Variants in GTF3C3 observed in about 807,000 individuals in gnomAD.
GTF3C3 encodes the protein general transcription factor IIIC subunit 3.
A neutral mutation model predicts 105.2 loss-of-function variants in GTF3C3; 75 were observed. The observed-to-expected ratio is 0.71, with a 90% CI of 0.59 to 0.86. GTF3C3 has a LOEUF of 0.86. GTF3C3 is among the 40% of genes least tolerant of loss of function. The probability of loss-of-function intolerance (pLI) is 0.00; values close to 1 mark genes in which losing one functional copy is unlikely to be tolerated. For synonymous variants in GTF3C3, 335 were observed against 370.4 expected, an observed-to-expected ratio of 0.90 and a Z score of 1.10; for missense variants, 856 against 1,076.5, an observed-to-expected ratio of 0.80 and a Z score of 2.87.
Position 196,764,443 on chromosome 2 carries a change from T to C in GTF3C3, c.*120A>G, listed in dbSNP as rs1465990958. On this transcript the variant is annotated 3_prime_UTR_variant, in exon 18 of 18. Transcript: ENST00000263956. The stretch of plus-strand genomic sequence containing the variant: ...TCACATATTAAAAATAAATACACTG[T>C]TTGTTAGGTAATTCTGAAATTGTCA... 2 of 884,334 alleles carry C rather than the reference T, an allele frequency of 2.3e-6. No individual in the cohort carries two copies. The highest frequency in any genetic ancestry group is 3.3e-5 in the African/African-American group (2 of 60,078). 54.8% of individuals were successfully genotyped at this position (884,334 alleles called of 1,614,324 possible).
At chr2:196,788,458 A>G (rs1576032718) in intron 6 of GTF3C3, among the ~76,000 whole-genome samples, 1 of 152,282 alleles carries the variant, frequency 6.6e-6, no homozygotes, top group Non-Finnish European at 1.5e-5. Context: ...TATATACCAC[A>G]GTCAATAATG....
At position 196,769,568 on chromosome 2, in the gene GTF3C3, T is replaced by C. The variant is rs1425492531; in HGVS notation, c.2385+347A>G. Among the ~76,000 whole-genome samples the C allele has an allele frequency of 1.3e-5, 2 of 152,176 alleles. 1 individual carries two copies. Among genetic ancestry groups the C allele is most frequent in the Non-Finnish European group, 2.9e-5 (2 of 68,030 alleles). Reference sequence around the variant, plus strand: ...AAACAGGCACAATCATATTATTGTATAATTTTTTTTTTCAACTACTTTAAG... The same window carrying C: ...AAACAGGCACAATCATATTATTGTACAATTTTTTTTTTCAACTACTTTAAG... On this transcript the variant is annotated intron_variant, in intron 16 of 17. Transcript: ENST00000263956.
intron 8 of GTF3C3, among the ~76,000 whole-genome samples, chr2:196,784,414 T>G (rs1328481982): frequency 6.6e-6 from 1 of 152,172 alleles, no homozygotes; most frequent in African/African-American, 2.4e-5. Flanking sequence ...GATCACTAAT[T>G]ATATATTTGA....
chr2:196,784,645 C>T (rs920292839), intron 8 of GTF3C3: 2 of 179,992 alleles, frequency 1.1e-5, no homozygotes, highest in Non-Finnish European at 2.1e-5. Context: ...AATGGACATA[C>T]AGGGACTCAA....
chr2:196,793,706 T>C (rs1699592615), intron 2 of GTF3C3, among the ~76,000 whole-genome samples: 1 of 152,180 alleles, frequency 6.6e-6, no homozygotes, highest in South Asian at 2.1e-4. Flanking sequence ...ATATATACAC[T>C]TAGAATGCCT....
In GTF3C3 at chr2:196,790,074, T is replaced by C. The variant is rs1699520890; in HGVS notation, c.536-4A>G. On this transcript the variant is annotated splice_polypyrimidine_tract_variant and splice_region_variant and intron_variant, in intron 4 of 17. Transcript: ENST00000263956. ...AATGGCTCATAAGCCAGAGGAGCTA[T>C]AACAAATTAAAAAAATAAATTCCAT... 3.2e-6 allele frequency: 5 copies of C among 1,578,362 alleles called. 1 individual carries two copies. The African/African-American group carries it at 6.8e-5, about 22-fold the overall frequency.
chr2:196,776,770 T>C lies in GTF3C3; in HGVS notation c.1391-141A>G, dbSNP rs902763356. 4 of 616,214 alleles carry C rather than the reference T, an allele frequency of 6.5e-6. No homozygotes were observed. The highest frequency in any genetic ancestry group is 5.6e-5 in the African/African-American group (3 of 54,022). 38.2% of individuals were successfully genotyped at this position (616,214 alleles called of 1,614,324 possible). A position where few individuals can be genotyped will look rare whatever the true frequency, so the allele number is the denominator to read the frequency against. ...ATGCGTATTTCTAGTACTTTAAAAC[T>C]ATCCCTAATCTCTATTAATCAATCG... On this transcript the variant is annotated intron_variant, in intron 10 of 17. Coordinates refer to ENST00000263956, the MANE Select transcript of GTF3C3 (RefSeq NM_012086.5). This position sits in a 1 kb window ranked among gnomAD's most constrained non-coding sequence, Gnocchi z 4.5.
At chr2:196,773,947 G>A (rs560427087) in intron 13 of GTF3C3, among the ~76,000 whole-genome samples, 8 of 152,326 alleles carry the variant, frequency 5.3e-5, no homozygotes, top group African/African-American at 1.4e-4. Context: ...AGCAGGCCAC[G>A]GGCTGGTACC....
At position 196,784,866 on chromosome 2, in the gene GTF3C3, C is replaced by T; in HGVS notation, c.1105G>A (p.Glu369Lys). The T allele has an allele frequency of 6.2e-7, 1 of 1,611,410 alleles. No individual in the cohort carries two copies. The highest frequency in any genetic ancestry group is 1.1e-5 in the South Asian group (1 of 90,802). Residue 369 changes from glutamate to lysine, a missense_variant, in exon 8 of 18, where the codon GAG becomes AAG. By Grantham distance (56) the Glu-to-Lys change is moderately conservative. Coordinates refer to ENST00000263956, the MANE Select transcript of GTF3C3 (RefSeq NM_012086.5). The part of the protein sequence containing the change: ...KKTSEEGTSE[E>K]NKAPENVTCT... The stretch of plus-strand genomic sequence containing the variant: ...CAGAGGAAACTACAACCTTTATTCT[C>T]TTCTGAGGTGCCTTCTTCTGAAGTT...
intron 1 of GTF3C3, chr2:196,799,111 G>A (rs1463934036): frequency 1.2e-5 from 2 of 166,100 alleles, no homozygotes; most frequent in Non-Finnish European, 2.6e-5. Flanking sequence ...GTTCAGAAAA[G>A]GAGACATTGG....
intron 2 of GTF3C3, among the ~76,000 whole-genome samples, chr2:196,794,784 GAGTGC>G (rs1253768323): frequency 2.6e-5 from 4 of 151,718 alleles, no homozygotes; most frequent in Admixed American, 2.0e-4. Flanking sequence ...GCCCAGGCTG[GAGTGC>G]AGTGGCACGA....
Position 196,776,459 on chromosome 2 carries a change from T to C in GTF3C3, c.1561A>G (p.Thr521Ala), listed in dbSNP as rs1165954255. The change falls in exon 11 of 18, where the codon ACT (threonine) becomes GCT (alanine). Residue 521 changes from threonine (T) to alanine (A), a missense_variant. Thr to Ala is a moderately conservative substitution (Grantham distance 58, BLOSUM62 0). Transcript: ENST00000263956. This position sits in a 1 kb window ranked among gnomAD's most constrained non-coding sequence, Gnocchi z 4.5. The part of the protein sequence containing the change: ...EALEPMYDPD[T>A]LAQDANAAQQ... Reference sequence around the variant, plus strand: ...GCAGCATTTGCATCCTGTGCTAAAGTATCTGGATCATACATTGGTTCCAGA... The same window carrying C: ...GCAGCATTTGCATCCTGTGCTAAAGCATCTGGATCATACATTGGTTCCAGA... 6.2e-7 allele frequency: 1 copy of C among 1,614,110 alleles called. No homozygotes were observed. The highest frequency in any genetic ancestry group is 1.7e-5 in the Admixed American group (1 of 60,034).
chr2:196,787,861 G>A lies in GTF3C3; in HGVS notation c.893+1343C>T, dbSNP rs542994069. 5.3e-5 allele frequency among the ~76,000 whole-genome samples: 8 copies of A among 152,302 alleles called. No individual in the cohort carries two copies. The South Asian group carries it at 1.2e-3, about 24-fold the overall frequency. ...AAAGATATATTCAATAATATTTCTG[G>A]AGGGAAAGCAGGGACCAAAGGGAAA... On this transcript the variant is annotated intron_variant, in intron 6 of 17. Coordinates refer to ENST00000263956, the MANE Select transcript of GTF3C3 (RefSeq NM_012086.5).
rs759381924 is a variant in GTF3C3, at chr2:196,764,529, C to T, written c.*34G>A. 5 of 1,589,474 alleles carry T rather than the reference C, an allele frequency of 3.1e-6. 1 individual carries two copies. The South Asian group carries it at 5.8e-5, about 18-fold the overall frequency. ...ACAGAAGACACTGGTCCTCACACAG[C>T]AGCTGCCATTGCTCTGTTCTCAGTT... On this transcript the variant is annotated 3_prime_UTR_variant, in exon 18 of 18. Transcript: ENST00000263956.
chr2:196,772,754 G>A (rs1247346463), intron 14 of GTF3C3, among the ~76,000 whole-genome samples, 162 bp downstream of exon 14: 3 of 152,284 alleles, frequency 2.0e-5, no homozygotes, highest in East Asian at 1.9e-4. Context: ...AACCCAGAAA[G>A]TCTGGTCCTA....
intron 8 of GTF3C3, among the ~76,000 whole-genome samples, chr2:196,784,493 A>G (rs776357616): frequency 6.6e-6 from 1 of 152,174 alleles, no homozygotes. Context: ...CTTAAAGTCA[A>G]ATGTTTTAAG....
chr2:196,770,296 A>G (rs896244153), intron 15 of GTF3C3, among the ~76,000 whole-genome samples: 2 of 152,248 alleles, frequency 1.3e-5, no homozygotes, highest in Non-Finnish European at 2.9e-5. Context: ...AGACATTTCC[A>G]TGTAAAGTAA....
chr2:196,776,469 A>T lies in GTF3C3; in HGVS notation c.1551T>A (p.Tyr517Ter). ...CATCCTGTGCTAAAGTATCTGGATC[A>T]TACATTGGTTCCAGAGCTTCCAGAG... The part of the protein sequence containing the change: ...EKALEALEPM[Y>*]DPDTLAQDAN... Residue 517 changes from tyrosine to a stop codon, truncating the protein, a stop_gained, in exon 11 of 18, where the codon TAT becomes TAA. Transcript: ENST00000263956. LOFTEE classifies it high-confidence loss of function. This position sits in a 1 kb window ranked among gnomAD's most constrained non-coding sequence, Gnocchi z 4.5. 6.2e-7 allele frequency: 1 copy of T among 1,614,144 alleles called. No individual in the cohort carries two copies. Among genetic ancestry groups the T allele is most frequent in the Non-Finnish European group, 8.5e-7 (1 of 1,179,996 alleles).
chr2:196,764,815 A>AATT, intron 17 of GTF3C3, 130 bp from the exon 18 acceptor site: 1 of 665,640 alleles, frequency 1.5e-6, no homozygotes, highest in East Asian at 2.6e-5. Flanking sequence ...ACTAAAAAAA[A>AATT]ATTATAAAAC....
Sources: allele counts gnomAD v4.1 joint callset (sites outside exome capture counted in the v4.1 genomes callset), GRCh38; gene constraint gnomAD v4.1.1; non-coding constraint Gnocchi (gnomAD v3.1); transcripts MANE v1.5; gene names NCBI Gene and HGNC (gene_info 2026-07-23, HGNC 2026-07-21).